VPS13A: variants seen among roughly 807,000 people sequenced by gnomAD.
VPS13A encodes the protein intermembrane lipid transfer protein VPS13A.
A neutral mutation model predicts 390.9 loss-of-function variants in VPS13A; 264 were observed. That is an observed-to-expected ratio of 0.68 (90% CI 0.61 to 0.75). The LOEUF is 0.75. Ranked by LOEUF, VPS13A falls within the 30% of genes least tolerant of loss-of-function variation. The pLI is 0.00. For missense variants in VPS13A, 3,409 were observed against 3,733.9 expected, an observed-to-expected ratio of 0.91 and a Z score of 2.27; for synonymous variants, 1,231 against 1,227.1, an observed-to-expected ratio of 1.00 and a Z score of -0.07.
chr9:77,407,395 C>T, intron 70 of VPS13A, 138 bp from the exon 71 acceptor site: 1 of 636,490 alleles, frequency 1.6e-6, no homozygotes. Context: ...CTTGCTTCCT[C>T]ATTCTTGTCT....
chr9:77,256,837 A>G (rs1406231277), intron 22 of VPS13A, among the ~76,000 whole-genome samples: 2 of 150,922 alleles, frequency 1.3e-5, no homozygotes, highest in South Asian at 4.2e-4. Context: ...GATTATTTGC[A>G]TGGAATGTCT....
At chr9:77,235,867 T>G (rs1824115065) in intron 17 of VPS13A, among the ~76,000 whole-genome samples, 1 of 152,162 alleles carries the variant, frequency 6.6e-6, no homozygotes, top group Non-Finnish European at 1.5e-5. Flanking sequence ...AGCTTATGAT[T>G]TTTTTGATTT....
chr9:77,282,202 C>T lies in VPS13A; in HGVS notation c.3046C>T (p.Gln1016Ter). 2 of 1,613,400 alleles carry T rather than the reference C, an allele frequency of 1.2e-6. No individual in the cohort carries two copies. The highest frequency in any genetic ancestry group is 1.7e-6 in the Non-Finnish European group (2 of 1,179,702). ...TINYLHNILP[Q>*]SEEKSAPVST... is the part of the protein sequence containing the mutation. ...AAATTATCTTCATAATATCCTTCCG[C>T]AATCAGAGGAAAAATCAGCCCCAGT... Residue 1016 changes from glutamine to a stop codon, truncating the protein, a stop_gained, in exon 29 of 72, where the codon CAA (glutamine) becomes TAA (stop). Coordinates refer to ENST00000360280, the MANE Select transcript of VPS13A (RefSeq NM_033305.3). LOFTEE classifies it high-confidence loss of function.
intron 1 of VPS13A, among the ~76,000 whole-genome samples, chr9:77,191,539 TC>T (rs1314732801): frequency 6.6e-6 from 1 of 151,946 alleles, no homozygotes; most frequent in East Asian, 1.9e-4. Context: ...GCTCAAGTGA[TC>T]CCCCCACCTA....
chr9:77,279,684 A>G (rs186431017), intron 26 of VPS13A, among the ~76,000 whole-genome samples: 11 of 152,256 alleles, frequency 7.2e-5, no homozygotes, highest in Admixed American at 1.3e-4. Context: ...GACTGATTAC[A>G]TGGTAATAGG....
chr9:77,407,570 G>GA lies in VPS13A; in HGVS notation c.9442dup (p.Ile3148AsnfsTer3). ...TCTGTATTTCATGCCAGAGAGTTTG[G>GA]AAAAATAATTAACTTCAAGACCCCA... On this transcript the variant is annotated frameshift_variant, in exon 71 of 72. Coordinates refer to ENST00000360280, the MANE Select transcript of VPS13A (RefSeq NM_033305.3). LOFTEE classifies it high-confidence loss of function. 6.2e-7 allele frequency: 1 copy of GA among 1,613,088 alleles called. No homozygotes were observed. The highest frequency in any genetic ancestry group is 1.7e-5 in the Admixed American group (1 of 60,008).
chr9:77,347,062 T>A (rs2131529084), intron 52 of VPS13A, among the ~76,000 whole-genome samples: 1 of 152,352 alleles, frequency 6.6e-6, no homozygotes, highest in Non-Finnish European at 1.5e-5. Context: ...TTTATACCAG[T>A]ACCATGCTGT....
At chr9:77,394,464 G>T (rs1025935802) in intron 68 of VPS13A, among the ~76,000 whole-genome samples, 2 of 152,270 alleles carry the variant, frequency 1.3e-5, no homozygotes, top group East Asian at 3.9e-4. Context: ...AGCTATTTGG[G>T]AGACTGAGGC....
chr9:77,354,083 G>C (rs192757132), intron 54 of VPS13A, among the ~76,000 whole-genome samples: 2 of 151,792 alleles, frequency 1.3e-5, no homozygotes, highest in Non-Finnish European at 2.9e-5. Context: ...ATCATTTCTC[G>C]TATAAGACAT....
chr9:77,205,471 A>G, intron 4 of VPS13A, 63 bp downstream of exon 4: 1 of 761,698 alleles, frequency 1.3e-6, no homozygotes, highest in Non-Finnish European at 1.9e-6. Context: ...AAAAATATTT[A>G]TATTCAAAAT....
At chr9:77,307,732 G>T (rs768602475) in intron 34 of VPS13A, among the ~76,000 whole-genome samples, 11 of 151,980 alleles carry the variant, frequency 7.2e-5, no homozygotes, top group Non-Finnish European at 1.3e-4. Context: ...TAACTTCATT[G>T]GTATTAACAC....
At chr9:77,192,024 C>T (rs1444755433) in intron 1 of VPS13A, among the ~76,000 whole-genome samples, 2 of 152,096 alleles carry the variant, frequency 1.3e-5, no homozygotes, top group African/African-American at 4.8e-5. Context: ...AATCTAGGTG[C>T]TCCAGTGTTG....
intron 34 of VPS13A, among the ~76,000 whole-genome samples, chr9:77,305,287 TG>T (rs780064259): frequency 3.9e-5 from 6 of 152,200 alleles, no homozygotes; most frequent in Non-Finnish European, 8.8e-5. Flanking sequence ...TAAAACATGA[TG>T]GCATTATGAA....
In VPS13A at chr9:77,340,472, G is replaced by A; in HGVS notation, c.6948G>A (p.Met2316Ile). Reference sequence around the variant, plus strand: ...TTGTGACATTTACCCCTTTTTATATGATTAAAAACAAAAGCAAATACCATA... The same window carrying A: ...TTGTGACATTTACCCCTTTTTATATAATTAAAAACAAAAGCAAATACCATA... Reference protein sequence around the residue: ...TRIVTFTPFYMIKNKSKYHIS... With the variant: ...TRIVTFTPFYIIKNKSKYHIS... The change falls in exon 50 of 72, where the codon ATG (methionine) becomes ATA (isoleucine). Residue 2316 changes from methionine to isoleucine, a missense_variant. Met to Ile is a conservative substitution (Grantham distance 10). Around this residue, in one of 5 missense-constraint regions of VPS13A, gnomAD observed 2,717 missense variants for 2,917.4 expected, o/e 0.93. Transcript: ENST00000360280. 6.2e-7 allele frequency: 1 copy of A among 1,613,112 alleles called. No individual in the cohort carries two copies. The highest frequency in any genetic ancestry group is 8.5e-7 in the Non-Finnish European group (1 of 1,179,604).
In VPS13A at chr9:77,418,362, T is replaced by TG. The variant is rs1198908599; in HGVS notation, c.*2357dup. On this transcript the variant is annotated 3_prime_UTR_variant, in exon 72 of 72. Coordinates refer to ENST00000360280, the MANE Select transcript of VPS13A (RefSeq NM_033305.3). ...TGTCTTCTGGTCTATGATAATTGTG[T>TG]GAGGACTAAGGCAGAGTGCCTGTTC... 6.6e-6 allele frequency: 1 copy of TG among 152,186 alleles called. No homozygotes were observed. The highest frequency in any genetic ancestry group is 1.5e-5 in the Non-Finnish European group (1 of 68,040). The allele number at this position is 152,186 out of a possible 1,614,324, so 9.4% of individuals were successfully genotyped here. A position where few individuals can be genotyped will look rare whatever the true frequency, so the allele number is the denominator to read the frequency against.
chr9:77,334,940 C>T (rs11145388), intron 46 of VPS13A, among the ~76,000 whole-genome samples: 26,113 of 152,052 alleles, frequency 0.17, 2,836 homozygotes, highest in East Asian at 0.39. Context: ...GTGCCAGTAG[C>T]TGGAAGTCAC....
At chr9:77,274,816 AGTT>A (rs1826551483) in intron 24 of VPS13A, among the ~76,000 whole-genome samples, 1 of 152,058 alleles carries the variant, frequency 6.6e-6, no homozygotes, top group African/African-American at 2.4e-5. Flanking sequence ...ACCAGAGAGA[AGTT>A]GTTTGTGAGA....
intron 22 of VPS13A, among the ~76,000 whole-genome samples, chr9:77,256,037 A>G (rs1192496526): frequency 6.6e-6 from 1 of 151,072 alleles, no homozygotes; most frequent in Non-Finnish European, 1.5e-5. Context: ...GGGTAGCTTT[A>G]GGTTTAGTTT....
Position 77,321,305 on chromosome 9 carries a change from T to G in VPS13A, c.5552T>G (p.Val1851Gly). ...LNITLSKCGL[V>G]MLNNLVKAFT... ...ATTACATTATCCAAATGTGGTCTTG[T>G]AATGTTAAACAATTTAGTCAAGGTA... Residue 1851 changes from valine (V) to glycine (G), a missense_variant, in exon 43 of 72, where the codon GTA becomes GGA. Coordinates refer to ENST00000360280, the MANE Select transcript of VPS13A (RefSeq NM_033305.3). 6.2e-7 allele frequency: 1 copy of G among 1,608,340 alleles called. No individual in the cohort carries two copies. Among genetic ancestry groups the G allele is most frequent in the Non-Finnish European group, 8.5e-7 (1 of 1,176,206 alleles).
Sources: allele counts gnomAD v4.1 joint callset (sites outside exome capture counted in the v4.1 genomes callset), GRCh38; gene constraint gnomAD v4.1.1; regional missense constraint gnomAD v4.1.1; transcripts MANE v1.5; gene names NCBI Gene and HGNC (gene_info 2026-07-23, HGNC 2026-07-21).